The following ABCA9 variants were observed in gnomAD, a reference collection of about 807,000 sequenced individuals.
The protein encoded by ABCA9 is ATP binding cassette subfamily A member 9.
In ABCA9, 183 loss-of-function variants were observed where a neutral mutation model predicts 205.3. The ratio of observed to expected loss-of-function variants is 0.89; its 90% CI spans 0.79 to 1.01. The LOEUF is 1.01. Among genes scored for constraint, ABCA9 ranks in the 50% least tolerant of loss-of-function variants. The probability of loss-of-function intolerance (pLI) is 0.00; values close to 1 mark genes in which losing one functional copy is unlikely to be tolerated. For synonymous variants in ABCA9, 651 were observed against 683.3 expected (o/e 0.95, Z 0.74); for missense variants, 1,805 against 1,912.4 (o/e 0.94, Z 1.05).
At chr17:69,060,766 T>C (rs2072218908) in intron 1 of ABCA9, 100 bp downstream of exon 1, 1 of 781,994 alleles carries the variant, frequency 1.3e-6, no homozygotes, top group African/African-American at 1.9e-5. Context: ...AATAACTTAC[T>C]GCTTTTAATG....
chr17:69,056,762 C>T (rs532390585), intron 1 of ABCA9, among the ~76,000 whole-genome samples: 3 of 152,276 alleles, frequency 2.0e-5, no homozygotes, highest in African/African-American at 7.2e-5. Context: ...ATAGGATATA[C>T]TGTGTAAGAG....
intron 5 of ABCA9, 72 bp downstream of exon 5, chr17:69,044,425 G>C: frequency 7.9e-7 from 1 of 1,273,076 alleles, no homozygotes. Flanking sequence ...GATAGAATAG[G>C]ATAATCCATT....
At chr17:69,049,243 T>G in intron 3 of ABCA9, 40 bp downstream of exon 3, 1 of 1,502,978 alleles carries the variant, frequency 6.7e-7, no homozygotes, top group Non-Finnish European at 9.0e-7. Context: ...TTGTGCCTTT[T>G]GCAAATAAGG....
intron 27 of ABCA9, 103 bp downstream of exon 27, chr17:68,992,913 A>G (rs1040818872): frequency 8.2e-5 from 76 of 925,476 alleles, no homozygotes; most frequent in Non-Finnish European, 1.3e-5. Flanking sequence ...TCAAATGCCT[A>G]AAATGTCCAA....
At chr17:69,038,008 A>C in intron 6 of ABCA9, among the ~76,000 whole-genome samples, 1 of 152,184 alleles carries the variant, frequency 6.6e-6, no homozygotes, top group Non-Finnish European at 1.5e-5. Flanking sequence ...ACCTCCCAAG[A>C]CTAAACCAGG....
In ABCA9 at chr17:69,035,317, G is replaced by T. The variant is rs2071296642; in HGVS notation, c.1057C>A (p.Arg353Ser). ...GTCCATTCCAAAAATGCAGGAAGAC[G>T]TGTATACAATGCTGGGAATCCCAGG... ...GILGFPALYTRLPAFLEWTLC... is the reference protein window; with the variant it reads ...GILGFPALYTSLPAFLEWTLC... Residue 353 changes from arginine to serine, a missense_variant, in exon 8 of 39, where the codon CGT (arginine) becomes AGT (serine). Coordinates refer to ENST00000340001, the MANE Select transcript of ABCA9 (RefSeq NM_080283.4). 1 of 1,609,154 alleles carries T rather than the reference G, an allele frequency of 6.2e-7. No homozygotes were observed. The highest frequency in any genetic ancestry group is 1.3e-5 in the African/African-American group (1 of 74,838).
Position 68,981,274 on chromosome 17 carries a change from G to T in ABCA9, c.4720+1288C>A, listed in dbSNP as rs190739696. On this transcript the variant is annotated intron_variant, in intron 37 of 38. Transcript: ENST00000340001. ...TTATTGTATACTTGAAACTTGCTAA[G>T]TGGGTAAATCTAAAATATTCTCAGC... Among the ~76,000 whole-genome samples the T allele has an allele frequency of 1.7e-3, 264 of 152,128 alleles. 2 individuals carry two copies. Among genetic ancestry groups the T allele is most frequent in the Non-Finnish European group, 3.2e-4 (22 of 68,000 alleles).
intron 1 of ABCA9, among the ~76,000 whole-genome samples, chr17:69,054,245 G>C (rs990585422): frequency 2.6e-5 from 4 of 152,106 alleles, no homozygotes; most frequent in Non-Finnish European, 2.9e-5. Context: ...TATAAGCCTG[G>C]ACACAGTGGC....
intron 25 of ABCA9, among the ~76,000 whole-genome samples, chr17:68,996,451 T>A (rs1013981669): frequency 6.6e-6 from 1 of 152,234 alleles, no homozygotes; most frequent in Non-Finnish European, 1.5e-5. Context: ...GAAAACATGT[T>A]TTTAATTTTT....
At chr17:69,064,363 G>A (rs2072321257), upstream of ABCA9, among the ~76,000 whole-genome samples, 1 of 152,038 alleles carries the variant, frequency 6.6e-6, no homozygotes, top group Non-Finnish European at 1.5e-5. Flanking sequence ...ACATTACTCT[G>A]GCAATATAAA....
intron 22 of ABCA9, 82 bp downstream of exon 22, chr17:69,016,171 A>T: frequency 9.6e-7 from 1 of 1,041,784 alleles, no homozygotes; most frequent in Non-Finnish European, 1.3e-6. Context: ...CACAAAAAGT[A>T]ATATAACATT....
intron 37 of ABCA9, among the ~76,000 whole-genome samples, chr17:68,980,499 G>C (rs112531770): frequency 6.6e-6 from 1 of 151,754 alleles, no homozygotes; most frequent in Non-Finnish European, 1.5e-5. Context: ...TGTTTATTGC[G>C]GCACTATTCA....
intron 1 of ABCA9, among the ~76,000 whole-genome samples, chr17:69,056,021 T>C (rs1007903533): frequency 2.0e-5 from 3 of 152,072 alleles, no homozygotes; most frequent in African/African-American, 7.2e-5. Flanking sequence ...AAGCTTTGCT[T>C]AGAGAGAAAT....
chr17:69,072,000 T>C, the ABCA9 span, among the ~76,000 whole-genome samples: 2 of 151,984 alleles, frequency 1.3e-5, no homozygotes, highest in African/African-American at 2.4e-5. Flanking sequence ...ATACCAAAGA[T>C]TGGAGATCAT....
At chr17:69,078,843 T>C in the ABCA9 span, 1 of 551,626 alleles carries the variant, frequency 1.8e-6, no homozygotes, top group East Asian at 3.2e-5. Flanking sequence ...AATTTATGTA[T>C]TTGTTAACTA....
upstream of ABCA9, among the ~76,000 whole-genome samples, chr17:69,062,040 T>C (rs1441086318): frequency 6.6e-6 from 1 of 152,120 alleles, no homozygotes; most frequent in East Asian, 1.9e-4. Context: ...TTGATTCAAT[T>C]ATATTTATCC....
intron 21 of ABCA9, among the ~76,000 whole-genome samples, chr17:69,016,636 A>G (rs897202238): frequency 6.6e-6 from 1 of 152,166 alleles, no homozygotes. Flanking sequence ...ATCACAAAAC[A>G]AAATACTTCA....
chr17:69,048,121 G>T, intron 3 of ABCA9, among the ~76,000 whole-genome samples: 1 of 152,120 alleles, frequency 6.6e-6, no homozygotes, highest in East Asian at 1.9e-4. Context: ...AGAACAGCAT[G>T]GGGGAAATTG....
chr17:69,003,161 T>G (rs952538732), intron 25 of ABCA9, among the ~76,000 whole-genome samples: 11 of 152,014 alleles, frequency 7.2e-5, no homozygotes, highest in Non-Finnish European at 7.4e-5. Context: ...CCTGTCATTA[T>G]GATGTTAGCT....
Sources: allele counts gnomAD v4.1 joint callset (sites outside exome capture counted in the v4.1 genomes callset), GRCh38; gene constraint gnomAD v4.1.1; transcripts MANE v1.5; gene names NCBI Gene and HGNC (gene_info 2026-07-23, HGNC 2026-07-21).